The following PLCL2 variants were observed in gnomAD, a reference collection of about 807,000 sequenced individuals.
PLCL2 encodes the protein phospholipase C like 2.
A neutral mutation model predicts 79.6 loss-of-function variants in PLCL2; 4 were observed. The ratio of observed to expected loss-of-function variants is 0.05; its 90% confidence interval spans 0.02 to 0.11. The LOEUF is 0.11. PLCL2 is among the 10% of genes least tolerant of loss of function. The probability of loss-of-function intolerance (pLI) is 1.00; values close to 1 mark genes in which losing one functional copy is unlikely to be tolerated. For missense variants in PLCL2, 895 were observed against 1,291.0 expected (o/e 0.69, Z 4.70); for synonymous variants, 484 against 457.7 (o/e 1.06, Z -0.73).
intron 3 of PLCL2, among the ~76,000 whole-genome samples, chr3:17,020,526 T>C (rs1217835000): frequency 1.3e-5 from 2 of 151,820 alleles, no homozygotes; most frequent in South Asian, 4.1e-4. Flanking sequence ...CTCTGTACTT[T>C]CCCTTTGAAA....
intron 1 of PLCL2, among the ~76,000 whole-genome samples, chr3:16,917,684 G>A (rs1697029940): frequency 6.6e-6 from 1 of 152,126 alleles, no homozygotes; most frequent in Non-Finnish European, 1.5e-5. Context: ...AAGCCTCCCA[G>A]GAGAACTAGA....
chr3:16,938,740 C>G (rs1372524296), intron 1 of PLCL2, among the ~76,000 whole-genome samples: 1 of 152,148 alleles, frequency 6.6e-6, no homozygotes, highest in Non-Finnish European at 1.5e-5. Context: ...AGCTTCTTTT[C>G]CCTGTACCTT....
intron 1 of PLCL2, among the ~76,000 whole-genome samples, chr3:16,954,587 C>G (rs1324217868): frequency 6.6e-6 from 1 of 151,976 alleles, no homozygotes; most frequent in Non-Finnish European, 1.5e-5. Flanking sequence ...TTCTAGATCC[C>G]TGAGGAATCC....
At chr3:16,997,727 A>G (rs994210338) in intron 1 of PLCL2, among the ~76,000 whole-genome samples, 1 of 151,760 alleles carries the variant, frequency 6.6e-6, no homozygotes, top group Non-Finnish European at 1.5e-5. Context: ...TTTAGTAGAG[A>G]TGGGGTTTCA....
intron 1 of PLCL2, among the ~76,000 whole-genome samples, chr3:16,946,104 G>T (rs187681489): frequency 2.7e-4 from 41 of 152,284 alleles, no homozygotes; most frequent in Non-Finnish European, 5.9e-5. Context: ...TCTAAGTCAA[G>T]AATCTTCCAG....
intron 5 of PLCL2, among the ~76,000 whole-genome samples, chr3:17,074,268 C>T (rs1248684445): frequency 1.3e-5 from 2 of 152,174 alleles, no homozygotes; most frequent in Non-Finnish European, 2.9e-5. Flanking sequence ...CTTGGATGAC[C>T]AGGTACATTG....
intron 3 of PLCL2, among the ~76,000 whole-genome samples, chr3:17,041,891 C>G (rs558011283): frequency 6.6e-6 from 1 of 152,008 alleles, no homozygotes; most frequent in Admixed American, 6.6e-5. Context: ...GTGCACTGAG[C>G]TATGATTGCA....
chr3:16,941,109 G>A (rs943269969), intron 1 of PLCL2, among the ~76,000 whole-genome samples: 1 of 152,160 alleles, frequency 6.6e-6, no homozygotes, highest in Non-Finnish European at 1.5e-5. Context: ...GGCTCCCATG[G>A]ATTCAGTCCT....
intron 3 of PLCL2, among the ~76,000 whole-genome samples, chr3:17,042,127 A>G (rs1340015998): frequency 6.6e-6 from 1 of 152,180 alleles, no homozygotes; most frequent in Non-Finnish European, 1.5e-5. Flanking sequence ...CATTTGAGCC[A>G]TGAGACTTGT....
intron 1 of PLCL2, among the ~76,000 whole-genome samples, chr3:16,946,242 C>T (rs1025793969): frequency 5.9e-5 from 9 of 152,056 alleles, no homozygotes; most frequent in South Asian, 2.1e-4. Context: ...AAGGAGGCAG[C>T]GGAGAGCGCA....
At chr3:16,902,354 A>G (rs1161520003) in intron 1 of PLCL2, among the ~76,000 whole-genome samples, 1 of 152,220 alleles carries the variant, frequency 6.6e-6, no homozygotes. Context: ...CAGTTCTGAT[A>G]GGGGCTGCTA....
At position 16,892,315 on chromosome 3, in the gene PLCL2, T is replaced by C. The variant is rs370276465; in HGVS notation, c.327+6949T>C. Among the ~76,000 whole-genome samples the C allele has an allele frequency of 2.2e-4, 34 of 152,350 alleles. No individual in the cohort carries two copies. In the East Asian group the frequency reaches 5.8e-3, roughly 26 times the overall value. ...CTGTTCTGGAAGATGTTAATATAAA[T>C]GATTGCTCCCTTTTGTGCCCTGAAA... On this transcript the variant is annotated intron_variant, in intron 1 of 5. Coordinates refer to ENST00000615277, the MANE Select transcript of PLCL2 (RefSeq NM_001144382.2).
intron 5 of PLCL2, among the ~76,000 whole-genome samples, chr3:17,082,139 G>GTTTTTTT (rs58877063): frequency 3.0e-5 from 3 of 101,336 alleles, no homozygotes; most frequent in South Asian, 3.7e-4. Context: ...CTCTTTCAGA[G>GTTTTTTT]TTTTTTTTTT....
intron 3 of PLCL2, among the ~76,000 whole-genome samples, chr3:17,018,538 T>G (rs2064410863): frequency 6.6e-6 from 1 of 152,178 alleles, no homozygotes; most frequent in South Asian, 2.1e-4. Context: ...CTATCTACTT[T>G]TTTTCAACAG....
At chr3:16,893,426 T>C (rs1559477900) in intron 1 of PLCL2, among the ~76,000 whole-genome samples, 1 of 152,214 alleles carries the variant, frequency 6.6e-6, no homozygotes, top group Non-Finnish European at 1.5e-5. Context: ...TACTGTGTAG[T>C]CAATATTCAG....
At chr3:16,946,866 T>C (rs940999037) in intron 1 of PLCL2, among the ~76,000 whole-genome samples, 13 of 151,614 alleles carry the variant, frequency 8.6e-5, no homozygotes, top group African/African-American at 2.9e-4. Context: ...TTTCCACCTT[T>C]TAAAAAGATA....
rs1207335804 is a variant in PLCL2 at position 16,979,752 on chromosome 3, C to T, written c.328-29922C>T. Among the ~76,000 whole-genome samples, 83 of 147,892 alleles carry T rather than the reference C, an allele frequency of 5.6e-4. 1 individual carries two copies. Among genetic ancestry groups the T allele is most frequent in the African/African-American group, 1.9e-3 (77 of 39,828 alleles). Reference sequence around the variant, plus strand: ...ATGTCTACCTCTTTCTACACAGACACGGCAACCATCCGATTTCTCAATCTT... The same window carrying T: ...ATGTCTACCTCTTTCTACACAGACATGGCAACCATCCGATTTCTCAATCTT... On this transcript the variant is annotated intron_variant, in intron 1 of 5. Transcript: ENST00000615277.
At chr3:17,046,092 G>T (rs1019192478) in intron 4 of PLCL2, among the ~76,000 whole-genome samples, 2 of 152,178 alleles carry the variant, frequency 1.3e-5, no homozygotes, top group Non-Finnish European at 2.9e-5. Flanking sequence ...CGCCATGGGA[G>T]TGAGAAGTGA....
intron 1 of PLCL2, among the ~76,000 whole-genome samples, chr3:16,889,541 T>C (rs894911099): frequency 9.2e-5 from 14 of 152,202 alleles, no homozygotes; most frequent in African/African-American, 3.4e-4. Flanking sequence ...TTGCCCAAGG[T>C]GGCAGCCCTT....
Sources: allele counts gnomAD v4.1 joint callset (sites outside exome capture counted in the v4.1 genomes callset), GRCh38; gene constraint gnomAD v4.1.1; transcripts MANE v1.5; gene names NCBI Gene and HGNC (gene_info 2026-07-23, HGNC 2026-07-21).